AGMO: variants seen among roughly 807,000 people sequenced by gnomAD.
The protein encoded by AGMO is glyceryl-ether monooxygenase.
In AGMO, 75 loss-of-function variants were observed where a neutral mutation model predicts 60.2. The observed-to-expected ratio is 1.25, with a 90% CI of 1.03 to 1.51. The LOEUF (loss-of-function observed/expected upper bound fraction) is 1.51, where lower values mean the gene tolerates loss of function less well. Among genes scored for constraint, AGMO ranks in the 40% most tolerant of loss-of-function variants. AGMO has a pLI of 0.00. For missense variants in AGMO, 763 were observed against 525.5 expected (o/e 1.45, Z -4.42); for synonymous variants, 261 against 177.1 (o/e 1.47, Z -3.76).
At chr7:15,359,391 T>C (rs1782665267) in intron 12 of AGMO, among the ~76,000 whole-genome samples, 1 of 151,498 alleles carries the variant, frequency 6.6e-6, no homozygotes, top group South Asian at 2.1e-4. Flanking sequence ...GCTTTGGGTG[T>C]TTCTAATGTG....
At chr7:15,524,728 T>G (rs1583644482) in intron 3 of AGMO, among the ~76,000 whole-genome samples, 1 of 151,520 alleles carries the variant, frequency 6.6e-6, no homozygotes, top group East Asian at 1.9e-4. Flanking sequence ...CCAGGCATGG[T>G]GCACATGCCT....
At chr7:15,232,243 A>G (rs569975814) in intron 12 of AGMO, among the ~76,000 whole-genome samples, 1 of 152,304 alleles carries the variant, frequency 6.6e-6, no homozygotes, top group East Asian at 1.9e-4. Flanking sequence ...AGAAATTTCA[A>G]TCTCCTTCTT....
chr7:15,235,210 A>C (rs1360499891), intron 12 of AGMO, among the ~76,000 whole-genome samples: 1 of 151,976 alleles, frequency 6.6e-6, no homozygotes, highest in African/African-American at 2.4e-5. Flanking sequence ...AATCTATAAT[A>C]TATATATATC....
chr7:15,255,547 A>AGAAAG (rs200204561), intron 12 of AGMO, among the ~76,000 whole-genome samples: 1 of 150,448 alleles, frequency 6.6e-6, no homozygotes, highest in Non-Finnish European at 1.5e-5. Context: ...AAAAAAAAAA[A>AGAAAG]AAAGAAAGAA....
intron 2 of AGMO, among the ~76,000 whole-genome samples, chr7:15,545,669 G>A (rs1432730403): frequency 2.0e-5 from 3 of 151,892 alleles, no homozygotes; most frequent in Non-Finnish European, 2.9e-5. Context: ...TCAGACACTA[G>A]AATATATCTT....
chr7:15,328,092 C>T (rs2128543017), intron 12 of AGMO, among the ~76,000 whole-genome samples: 1 of 151,192 alleles, frequency 6.6e-6, no homozygotes, highest in African/African-American at 2.4e-5. Flanking sequence ...CTGAGTCCTT[C>T]CTTCCTTCTT....
the AGMO span, among the ~76,000 whole-genome samples, chr7:15,177,940 G>C: frequency 6.6e-6 from 1 of 151,958 alleles, no homozygotes; most frequent in African/African-American, 2.4e-5. Context: ...AAATGTTTGG[G>C]ACACAAATTA....
intron 3 of AGMO, among the ~76,000 whole-genome samples, chr7:15,479,194 A>G (rs1782682686): frequency 6.6e-6 from 1 of 152,188 alleles, no homozygotes; most frequent in Non-Finnish European, 1.5e-5. Context: ...AAAAGAGGGG[A>G]CAACCTAAAA....
intron 3 of AGMO, among the ~76,000 whole-genome samples, chr7:15,441,825 G>GA (rs1226719275): frequency 7.9e-5 from 12 of 152,024 alleles, no homozygotes; most frequent in Non-Finnish European, 1.2e-4. Flanking sequence ...GGAAAATAGA[G>GA]AAAAAAAGAG....
chr7:15,512,012 C>CAAA (rs10716312), intron 3 of AGMO, among the ~76,000 whole-genome samples: 10 of 140,826 alleles, frequency 7.1e-5, no homozygotes, highest in African/African-American at 2.6e-4. Flanking sequence ...AGAATACACA[C>CAAA]AAAAAAAAAA....
chr7:15,228,304 G>C (rs966603094), intron 12 of AGMO, among the ~76,000 whole-genome samples: 2 of 151,942 alleles, frequency 1.3e-5, no homozygotes, highest in Non-Finnish European at 2.9e-5. Flanking sequence ...CTTTCCAAAC[G>C]ATAAAAATAC....
chr7:15,547,721 C>A (rs531947276), intron 2 of AGMO, among the ~76,000 whole-genome samples: 2 of 151,932 alleles, frequency 1.3e-5, no homozygotes, highest in Non-Finnish European at 2.9e-5. Flanking sequence ...AACTGCAAGG[C>A]GGCAGCGAGG....
intron 12 of AGMO, among the ~76,000 whole-genome samples, chr7:15,351,213 T>TTAA (rs1782232552): frequency 6.6e-6 from 1 of 152,140 alleles, no homozygotes; most frequent in Non-Finnish European, 1.5e-5. Context: ...AGGGTCCTCA[T>TTAA]GAAAATGCAA....
At chr7:15,255,669 C>G (rs965427499) in intron 12 of AGMO, among the ~76,000 whole-genome samples, 1 of 151,964 alleles carries the variant, frequency 6.6e-6, no homozygotes, top group Non-Finnish European at 1.5e-5. Flanking sequence ...TCATAATGAT[C>G]AAATTTTATT....
At chr7:15,392,630 C>G (rs1168762924) in intron 6 of AGMO, among the ~76,000 whole-genome samples, 2 of 152,032 alleles carry the variant, frequency 1.3e-5, no homozygotes, top group African/African-American at 4.8e-5. Flanking sequence ...GAAACTCCAT[C>G]TCTACTAAAA....
At chr7:15,546,843 G>A (rs998733414) in intron 2 of AGMO, among the ~76,000 whole-genome samples, 1 of 152,148 alleles carries the variant, frequency 6.6e-6, no homozygotes, top group African/African-American at 2.4e-5. Context: ...GTTCAGATGA[G>A]GGCTTCACAA....
At chr7:15,137,405 T>C in the AGMO span, among the ~76,000 whole-genome samples, 1 of 152,250 alleles carries the variant, frequency 6.6e-6, no homozygotes, top group African/African-American at 2.4e-5. Context: ...TCCATAATTC[T>C]TTGATTTCTG....
chr7:15,381,921 A>G (rs1247614541), intron 10 of AGMO, among the ~76,000 whole-genome samples: 1 of 152,158 alleles, frequency 6.6e-6, no homozygotes, highest in Non-Finnish European at 1.5e-5. Context: ...TAACACAGGA[A>G]CAGAAAACCA....
At chr7:15,246,423 A>G (rs1347550823) in intron 12 of AGMO, among the ~76,000 whole-genome samples, 1 of 152,210 alleles carries the variant, frequency 6.6e-6, no homozygotes, top group Non-Finnish European at 1.5e-5. Flanking sequence ...CTGATAAGGT[A>G]GATTTTTTAA....
Sources: allele counts gnomAD v4.1 joint callset (sites outside exome capture counted in the v4.1 genomes callset), GRCh38; gene constraint gnomAD v4.1.1; transcripts MANE v1.5; gene names NCBI Gene and HGNC (gene_info 2026-07-23, HGNC 2026-07-21).